Variants in VSIG10 observed in about 807,000 individuals in gnomAD.
The protein encoded by VSIG10 is V-set and immunoglobulin domain-containing protein 10.
In VSIG10, 48 loss-of-function variants were observed where a neutral mutation model predicts 58.7. The ratio of observed to expected loss-of-function variants is 0.82; its 90% confidence interval spans 0.65 to 1.04. VSIG10 has a LOEUF of 1.04. Among genes scored for constraint, VSIG10 ranks in the 50% least tolerant of loss-of-function variants. The probability of loss-of-function intolerance (pLI) is 0.00; values close to 1 mark genes in which losing one functional copy is unlikely to be tolerated. For missense variants in VSIG10, 628 were observed against 670.0 expected (o/e 0.94, Z 0.69); for synonymous variants, 260 against 267.1 (o/e 0.97, Z 0.26).
chr12:118,075,194 ATG>A (rs1491173226), intron 4 of VSIG10, among the ~76,000 whole-genome samples: 3 of 105,600 alleles, frequency 2.8e-5, no homozygotes, highest in Admixed American at 1.9e-4. Context: ...GTATATATAT[ATG>A]TGTGTGTGTG....
intron 2 of VSIG10, among the ~76,000 whole-genome samples, chr12:118,090,185 G>A (rs549018662): frequency 4.6e-5 from 7 of 152,144 alleles, no homozygotes; most frequent in South Asian, 2.1e-4. Flanking sequence ...ATGGTGGTGC[G>A]AGCCAGCTAC....
chr12:118,074,289 G>T (rs1031445570), intron 4 of VSIG10, among the ~76,000 whole-genome samples: 3 of 151,988 alleles, frequency 2.0e-5, no homozygotes, highest in African/African-American at 7.3e-5. Context: ...TCACCATGTT[G>T]CCCAGGCTGG....
intron 2 of VSIG10, among the ~76,000 whole-genome samples, chr12:118,090,044 A>G (rs1054555008): frequency 4.6e-5 from 7 of 152,090 alleles, no homozygotes; most frequent in South Asian, 2.1e-4. Context: ...GCCAGGCACA[A>G]TGGCTCACGC....
At chr12:118,082,021 A>T in intron 3 of VSIG10, 106 bp downstream of exon 3, 2 of 951,342 alleles carry the variant, frequency 2.1e-6, no homozygotes, top group African/African-American at 2.0e-5. Flanking sequence ...CCATCTTAAA[A>T]AAAAAAAAAA....
rs1042845638 is a variant in VSIG10, at chr12:118,086,271, T to C, written c.362-3842A>G. On this transcript the variant is annotated intron_variant, in intron 2 of 8. Transcript: ENST00000359236. ...TGAGGTCAGGAGTTCAAGACCACCCTGGGCAATATGGCAAAACAAAACCCT... is the reference window on the plus strand; with the variant it reads ...TGAGGTCAGGAGTTCAAGACCACCCCGGGCAATATGGCAAAACAAAACCCT... Among the ~76,000 whole-genome samples the C allele has an allele frequency of 3.9e-5, 6 of 151,998 alleles. No individual in the cohort carries two copies. In the South Asian group the frequency reaches 1.2e-3, roughly 32 times the overall value.
intron 1 of VSIG10, among the ~76,000 whole-genome samples, chr12:118,099,655 G>A (rs2033572340): frequency 6.6e-6 from 1 of 152,218 alleles, no homozygotes; most frequent in Non-Finnish European, 1.5e-5. Context: ...GGTGATGGCT[G>A]TATAACCCTG....
intron 2 of VSIG10, among the ~76,000 whole-genome samples, chr12:118,083,550 G>C (rs2033032183): frequency 6.6e-6 from 1 of 152,088 alleles, no homozygotes; most frequent in Non-Finnish European, 1.5e-5. Flanking sequence ...CTACACTCCA[G>C]CCTGGGCAAC....
chr12:118,071,436 A>G lies in VSIG10; in HGVS notation c.1253T>C (p.Ile418Thr). The change falls in exon 6 of 9, where the codon ATT (isoleucine) becomes ACT (threonine). Residue 418 changes from isoleucine to threonine, a missense_variant. Ile to Thr is a moderately conservative substitution (Grantham distance 89). Coordinates refer to ENST00000359236, the MANE Select transcript of VSIG10 (RefSeq NM_019086.6). The part of the protein sequence containing the change: ...PLNIGGIVGT[I>T]VSLLLLGLAI... ...CAGTCCCAGCAGAAGGAGGCTCACA[A>G]TGGTTCCCACAATCCCCCCGATATT... 6.2e-7 allele frequency: 1 copy of G among 1,613,984 alleles called. No individual in the cohort carries two copies. The highest frequency in any genetic ancestry group is 1.3e-5 in the African/African-American group (1 of 75,052).
intron 4 of VSIG10, among the ~76,000 whole-genome samples, chr12:118,077,481 A>G (rs753973099): frequency 6.6e-6 from 1 of 152,012 alleles, no homozygotes; most frequent in Non-Finnish European, 1.5e-5. Flanking sequence ...CCCCCATGCC[A>G]CCCAGAATAT....
intron 4 of VSIG10, among the ~76,000 whole-genome samples, chr12:118,078,624 C>T (rs2032820086): frequency 1.3e-5 from 2 of 152,214 alleles, no homozygotes; most frequent in South Asian, 2.1e-4. Flanking sequence ...GTTTCTTGCA[C>T]AGCCTACGGA....
intron 1 of VSIG10, among the ~76,000 whole-genome samples, chr12:118,100,582 G>A (rs2033598556): frequency 6.6e-6 from 1 of 152,106 alleles, no homozygotes; most frequent in Non-Finnish European, 1.5e-5. Context: ...CTAGGCTGGA[G>A]TGCAAGGCGT....
chr12:118,067,751 C>G (rs116330540), intron 8 of VSIG10, among the ~76,000 whole-genome samples: 1 of 152,060 alleles, frequency 6.6e-6, no homozygotes, highest in Non-Finnish European at 1.5e-5. Context: ...CGTGAGCCAC[C>G]GCACCTGGCC....
At chr12:118,077,284 C>T (rs1454978709) in intron 4 of VSIG10, among the ~76,000 whole-genome samples, 2 of 152,144 alleles carry the variant, frequency 1.3e-5, no homozygotes, top group Non-Finnish European at 2.9e-5. Flanking sequence ...CGGATCTTCA[C>T]CTAGCCAGCT....
chr12:118,079,607 C>T lies in VSIG10; in HGVS notation c.665-1G>A. On this transcript the variant is annotated splice_acceptor_variant, in intron 3 of 8. Transcript: ENST00000359236. LOFTEE classifies it high-confidence loss of function. ...CACTGGGGAGCTGATGGAGGGGGAT[C>T]TGCAAAACACCAGAGGAAAGCATGG... 1 of 1,613,744 alleles carries T rather than the reference C, an allele frequency of 6.2e-7. No individual in the cohort carries two copies. Among genetic ancestry groups the T allele is most frequent in the Middle Eastern group, 1.7e-4 (1 of 6,058 alleles).
In VSIG10 at chr12:118,079,456, A is replaced by G. The variant is rs1284552553; in HGVS notation, c.815T>C (p.Leu272Pro). The part of the protein sequence containing the change: ...PGGVIVGKSK[L>P]GVEMLSESQL... ...GGACTCGCTCAGCATTTCCACCCCC[A>G]GCTTTGACTTCCCCACGATTACACC... is the stretch of plus-strand genomic sequence containing the variant. Residue 272 changes from leucine to proline, a missense_variant, in exon 4 of 9, where the codon CTG (leucine) becomes CCG (proline). By Grantham distance (98) the Leu-to-Pro change is moderately conservative. Coordinates refer to ENST00000359236, the MANE Select transcript of VSIG10 (RefSeq NM_019086.6). The G allele has an allele frequency of 6.2e-7, 1 of 1,613,948 alleles. No homozygotes were observed. Among genetic ancestry groups the G allele is most frequent in the South Asian group, 1.1e-5 (1 of 91,084 alleles).
chr12:118,068,567 C>G lies in VSIG10; in HGVS notation c.1377G>C (p.Leu459Phe), dbSNP rs1462614709. The stretch of plus-strand genomic sequence containing the variant: ...CCTCCTCTTCCTCTTCTGAATCCAC[C>G]AAAACCATGACATCATCCATGTTTT... ...RGQNMDDVMVLVDSEEEEEEE... is the reference protein window; with the variant it reads ...RGQNMDDVMVFVDSEEEEEEE... The change falls in exon 8 of 9, where the codon TTG becomes TTC. Residue 459 changes from leucine to phenylalanine, a missense_variant. Coordinates refer to ENST00000359236, the MANE Select transcript of VSIG10 (RefSeq NM_019086.6). 6.3e-7 allele frequency: 1 copy of G among 1,584,530 alleles called. No homozygotes were observed.
chr12:118,070,991 A>G (rs7135008), intron 7 of VSIG10, 61 bp downstream of exon 7: 545,334 of 1,575,132 alleles, frequency 0.35, 100,498 homozygotes, highest in East Asian at 0.77. Flanking sequence ...GGAAGGGAAC[A>G]AAACAGAAGT....
At chr12:118,087,861 GAGA>G (rs1402748068) in intron 2 of VSIG10, among the ~76,000 whole-genome samples, 1 of 76,678 alleles carries the variant, frequency 1.3e-5, no homozygotes, top group Non-Finnish European at 3.3e-5. Flanking sequence ...AAAAAAGAGA[GAGA>G]AGGAGGTAAT....
intron 1 of VSIG10, among the ~76,000 whole-genome samples, chr12:118,098,216 C>T (rs2033519983): frequency 6.6e-6 from 1 of 151,918 alleles, no homozygotes; most frequent in Non-Finnish European, 1.5e-5. Flanking sequence ...TCCACTGTCC[C>T]ACTGCTCTCT....
Sources: gnomAD v4.1 joint callset for allele counts (sites outside exome capture counted in the v4.1 genomes callset) on GRCh38, gnomAD v4.1.1 for gene constraint, MANE v1.5 for transcripts, NCBI Gene and HGNC (gene_info 2026-07-23, HGNC 2026-07-21) for gene names.